Variants in STK3 observed in about 807,000 individuals in gnomAD.
STK3 encodes the protein serine/threonine-protein kinase 3.
STK3 carries 41 observed loss-of-function variants against 58.0 expected under a neutral mutation model. That is an observed-to-expected ratio of 0.71 (90% CI 0.55 to 0.92). STK3 has a LOEUF of 0.92. STK3 is among the 40% of genes least tolerant of loss of function. The pLI is 0.00. For synonymous variants in STK3, 170 were observed against 191.0 expected (o/e 0.89, Z 0.91); for missense variants, 479 against 602.7 (o/e 0.79, Z 2.15).
chr8:98,539,466 G>A lies in STK3; in HGVS notation c.1141+8503C>T, dbSNP rs549691391. 1.5e-4 allele frequency among the ~76,000 whole-genome samples: 23 copies of A among 152,154 alleles called. No individual in the cohort carries two copies. In the South Asian group the frequency reaches 4.6e-3, roughly 30 times the overall value. ...CTCTTCTTGGTATCTCTCCTCAACT[G>A]ACACTAATATCTAGTATCGTTTCCA... On this transcript the variant is annotated intron_variant, in intron 9 of 10. Coordinates refer to ENST00000419617, the MANE Select transcript of STK3 (RefSeq NM_006281.4).
At chr8:98,738,789 T>C (rs1828876681) in intron 4 of STK3, among the ~76,000 whole-genome samples, 1 of 152,224 alleles carries the variant, frequency 6.6e-6, no homozygotes, top group Non-Finnish European at 1.5e-5. Flanking sequence ...GGGCGAGGCA[T>C]TGCCTCACTC....
At chr8:98,357,077 G>C in the STK3 span, among the ~76,000 whole-genome samples, 2 of 152,194 alleles carry the variant, frequency 1.3e-5, no homozygotes, top group African/African-American at 4.8e-5. Flanking sequence ...AAGAAGGAAA[G>C]AGTCTTTGTG....
At chr8:98,397,414 T>C (rs1239671977), downstream of STK3, among the ~76,000 whole-genome samples, 2 of 152,008 alleles carry the variant, frequency 1.3e-5, no homozygotes, top group African/African-American at 4.8e-5. Flanking sequence ...CAGGTGCTTG[T>C]GGTCCCAGCT....
At chr8:98,401,752 C>T (rs1162549219) in intron 3 of STK3, among the ~76,000 whole-genome samples, 1 of 152,216 alleles carries the variant, frequency 6.6e-6, no homozygotes, top group Non-Finnish European at 1.5e-5. Context: ...AGTCTCATCT[C>T]CTCTCAGGTT....
At chr8:98,561,991 A>G (rs1321278435) in intron 8 of STK3, among the ~76,000 whole-genome samples, 1 of 152,202 alleles carries the variant, frequency 6.6e-6, no homozygotes, top group Non-Finnish European at 1.5e-5. Context: ...TTAAAATGCA[A>G]AAACAAACAA....
intron 1 of STK3, among the ~76,000 whole-genome samples, chr8:98,782,994 T>C (rs1832200680): frequency 7.0e-6 from 1 of 143,646 alleles, no homozygotes; most frequent in African/African-American, 2.6e-5. Flanking sequence ...TTTGAAAAGA[T>C]AAAACACACA....
intron 10 of STK3, among the ~76,000 whole-genome samples, chr8:98,510,457 G>GT (rs1304620534): frequency 1.6e-5 from 2 of 127,468 alleles, no homozygotes; most frequent in Non-Finnish European, 3.6e-5. Flanking sequence ...TAACATCAGA[G>GT]GGTTTTTTTT....
intron 8 of STK3, among the ~76,000 whole-genome samples, chr8:98,566,517 A>G (rs1445356419): frequency 6.6e-6 from 1 of 152,110 alleles, no homozygotes; most frequent in Non-Finnish European, 1.5e-5. Flanking sequence ...TGAAATATAA[A>G]TCTCTCCCTT....
intron 4 of STK3, among the ~76,000 whole-genome samples, chr8:98,717,918 C>T (rs1048721465): frequency 6.6e-6 from 1 of 152,106 alleles, no homozygotes; most frequent in Non-Finnish European, 1.5e-5. Context: ...ACCTTGAGTA[C>T]ATTATGCTAA....
intron 6 of STK3, among the ~76,000 whole-genome samples, chr8:98,640,277 T>A (rs1477504422): frequency 6.6e-6 from 1 of 152,108 alleles, no homozygotes. Context: ...CTAGAACTCC[T>A]GAGCTCAAGT....
At chr8:98,630,753 G>T (rs1017395886) in intron 6 of STK3, among the ~76,000 whole-genome samples, 6 of 151,008 alleles carry the variant, frequency 4.0e-5, no homozygotes, top group Non-Finnish European at 7.4e-5. Context: ...AGGATAAGGA[G>T]AAGGAGAAGA....
intron 6 of STK3, among the ~76,000 whole-genome samples, chr8:98,703,405 A>C (rs1306531766): frequency 1.3e-5 from 2 of 152,218 alleles, no homozygotes; most frequent in Non-Finnish European, 2.9e-5. Flanking sequence ...GTACAAAAAA[A>C]AATGTTGGTA....
At chr8:98,656,004 T>C (rs1171022121) in intron 6 of STK3, among the ~76,000 whole-genome samples, 1 of 151,778 alleles carries the variant, frequency 6.6e-6, no homozygotes, top group East Asian at 1.9e-4. Flanking sequence ...CAAAGGACTA[T>C]AAATCATGTT....
chr8:98,748,217 G>C (rs1829763191), intron 4 of STK3, among the ~76,000 whole-genome samples: 1 of 152,002 alleles, frequency 6.6e-6, no homozygotes. Context: ...TCTCTAACTG[G>C]GATATAATTA....
chr8:98,407,757 T>TGCGC (rs71273128), intron 3 of STK3, among the ~76,000 whole-genome samples: 78 of 131,486 alleles, frequency 5.9e-4, no homozygotes, highest in Middle Eastern at 3.8e-3. Context: ...TGTGTGTGTG[T>TGCGC]GCGCGCGCGC....
intron 10 of STK3, among the ~76,000 whole-genome samples, chr8:98,512,462 G>T (rs1040858747): frequency 6.6e-6 from 1 of 152,084 alleles, no homozygotes; most frequent in Non-Finnish European, 1.5e-5. Context: ...TCTCAGTTTA[G>T]AATTTTAGAT....
intron 2 of STK3, among the ~76,000 whole-genome samples, chr8:98,374,366 C>T (rs6984462): frequency 0.19 from 28,359 of 152,198 alleles, 2,773 homozygotes; most frequent in East Asian, 0.33. Flanking sequence ...GGTGGCTTTA[C>T]AGAATGGAAA....
intron 6 of STK3, among the ~76,000 whole-genome samples, chr8:98,604,416 T>C (rs1161229637): frequency 6.6e-6 from 1 of 152,162 alleles, no homozygotes; most frequent in Admixed American, 6.5e-5. Context: ...TGGGTGCCTA[T>C]GGGTTTTCCA....
chr8:98,890,356 C>T (rs1838150044), intron 1 of STK3, among the ~76,000 whole-genome samples: 1 of 152,192 alleles, frequency 6.6e-6, no homozygotes, highest in Admixed American at 6.5e-5. Context: ...TCTTCGTAGC[C>T]TAAGACAGGC....
Sources: gnomAD v4.1 joint callset for allele counts (sites outside exome capture counted in the v4.1 genomes callset) on GRCh38, gnomAD v4.1.1 for gene constraint, MANE v1.5 for transcripts, NCBI Gene and HGNC (gene_info 2026-07-23, HGNC 2026-07-21) for gene names.